Variants in COL22A1 observed in about 807,000 individuals in gnomAD.
COL22A1 encodes collagen type XXII alpha 1 chain, also known as collagen alpha-1(XXII) chain.
A neutral mutation model predicts 248.9 loss-of-function variants in COL22A1; 221 were observed. That is an observed-to-expected ratio of 0.89 (90% confidence interval 0.80 to 0.99). The LOEUF (loss-of-function observed/expected upper bound fraction) is 0.99. COL22A1 is among the 50% of genes least tolerant of loss of function. The pLI is 0.00. For synonymous variants in COL22A1, 891 were observed against 793.4 expected, an observed-to-expected ratio of 1.12 and a Z score of -2.07; for missense variants, 2,240 against 2,179.0, an observed-to-expected ratio of 1.03 and a Z score of -0.56.
chr8:138,809,853 C>T (rs1285093284), intron 9 of COL22A1, among the ~76,000 whole-genome samples: 1 of 152,086 alleles, frequency 6.6e-6, no homozygotes, highest in East Asian at 1.9e-4. Context: ...TGTCTTCATA[C>T]CCTGATTGAC....
chr8:138,812,346 G>A (rs1468468323), intron 8 of COL22A1, among the ~76,000 whole-genome samples: 2 of 152,218 alleles, frequency 1.3e-5, no homozygotes, highest in Non-Finnish European at 2.9e-5. Context: ...TCCTGGGGAT[G>A]AGGCTAACCA....
chr8:138,748,503 G>T (rs574721905), intron 22 of COL22A1, among the ~76,000 whole-genome samples: 1 of 152,342 alleles, frequency 6.6e-6, no homozygotes, highest in East Asian at 1.9e-4. Context: ...GCCACTGGTG[G>T]CTGTGCTGTA....
chr8:138,712,000 C>T (rs951224400), intron 30 of COL22A1, among the ~76,000 whole-genome samples: 4 of 152,196 alleles, frequency 2.6e-5, no homozygotes, highest in Non-Finnish European at 5.9e-5. Flanking sequence ...CCTCATCTAT[C>T]AAGTGGGGAT....
intron 50 of COL22A1, 81 bp downstream of exon 50, chr8:138,630,614 A>G: frequency 8.4e-7 from 1 of 1,193,256 alleles, no homozygotes; most frequent in Non-Finnish European, 1.3e-6. Flanking sequence ...ACACAGGACA[A>G]GAGCAGAATT....
intron 60 of COL22A1, among the ~76,000 whole-genome samples, chr8:138,599,103 G>A (rs1051385002): frequency 5.9e-5 from 9 of 152,200 alleles, no homozygotes; most frequent in Admixed American, 5.9e-4. Context: ...AAATATGGGG[G>A]AGGCTGAGGC....
chr8:138,853,340 C>G (rs1447521645), intron 3 of COL22A1, among the ~76,000 whole-genome samples: 1 of 152,204 alleles, frequency 6.6e-6, no homozygotes, highest in East Asian at 1.9e-4. Flanking sequence ...TCTTCTTCCC[C>G]TAACTCCTTG....
intron 1 of COL22A1, among the ~76,000 whole-genome samples, chr8:138,909,948 A>C (rs974147129): frequency 2.0e-5 from 3 of 152,246 alleles, no homozygotes; most frequent in Admixed American, 2.0e-4. Flanking sequence ...TCTGAGATAC[A>C]TCATTGCCAA....
chr8:138,829,374 C>T (rs1819844480), intron 5 of COL22A1, among the ~76,000 whole-genome samples: 1 of 147,442 alleles, frequency 6.8e-6, no homozygotes, highest in African/African-American at 2.5e-5. Context: ...TTCATTTTCT[C>T]CTTCTTTTCT....
chr8:138,861,041 C>T (rs1449747754), intron 3 of COL22A1, among the ~76,000 whole-genome samples: 1 of 152,172 alleles, frequency 6.6e-6, no homozygotes, highest in African/African-American at 2.4e-5. Flanking sequence ...TCAGCTCCTG[C>T]TGCCATCACC....
At chr8:138,909,272 G>A (rs1563914316) in intron 1 of COL22A1, among the ~76,000 whole-genome samples, 1 of 152,184 alleles carries the variant, frequency 6.6e-6, no homozygotes, top group East Asian at 1.9e-4. Flanking sequence ...TTACAGAGCA[G>A]ACCTCCAGAA....
intron 3 of COL22A1, among the ~76,000 whole-genome samples, chr8:138,857,429 C>T (rs1047715839): frequency 2.6e-5 from 4 of 152,220 alleles, no homozygotes; most frequent in African/African-American, 7.2e-5. Flanking sequence ...ACATTCACGG[C>T]TGACCTGGCC....
At chr8:138,633,568 T>A (rs1015252044) in intron 49 of COL22A1, among the ~76,000 whole-genome samples, 1 of 152,242 alleles carries the variant, frequency 6.6e-6, no homozygotes, top group African/African-American at 2.4e-5. Context: ...GAGCACAATG[T>A]CATTTAGGAA....
chr8:138,616,047 G>A lies in COL22A1; in HGVS notation c.3878C>T (p.Ser1293Phe). The A allele has an allele frequency of 6.2e-7, 1 of 1,613,212 alleles. No homozygotes were observed. Reference protein sequence around the residue: ...DSGAPGPRGESGAMGLPGQEG... With the variant: ...DSGAPGPRGEFGAMGLPGQEG... ...CTGACCAGGAAGCCCCATGGCACCA[G>A]ACTCTCCCTAGGAACAAAAAAGCCT... The change falls in exon 55 of 65, where the codon TCT (serine) becomes TTT (phenylalanine). Residue 1293 changes from serine (S) to phenylalanine (F), a missense_variant. Ser to Phe is a radical substitution (Grantham distance 155, BLOSUM62 -2). Coordinates refer to ENST00000303045, the MANE Select transcript of COL22A1 (RefSeq NM_152888.3).
chr8:138,703,919 C>T (rs1828180460), intron 30 of COL22A1, among the ~76,000 whole-genome samples: 1 of 152,170 alleles, frequency 6.6e-6, no homozygotes, highest in African/African-American at 2.4e-5. Flanking sequence ...TTGGGACACT[C>T]CCACCCTAAT....
intron 41 of COL22A1, among the ~76,000 whole-genome samples, chr8:138,666,517 T>C (rs73449687): frequency 4.3e-4 from 66 of 152,356 alleles, no homozygotes; most frequent in African/African-American, 1.5e-3. Flanking sequence ...GAATTCCAAC[T>C]CTGGTCTCTT....
chr8:138,769,347 G>A (rs1834170192), intron 16 of COL22A1, among the ~76,000 whole-genome samples: 1 of 152,182 alleles, frequency 6.6e-6, no homozygotes, highest in Admixed American at 6.5e-5. Context: ...GAAGTCTTCA[G>A]GCAGCTCCCA....
In COL22A1 at chr8:138,616,923, G is replaced by T; in HGVS notation, c.3861C>A (p.Pro1287=). ...TGAGGCGCCCACTTACCCGGGGACC[G>T]GGTGCACCAGAATCGCCTGTGTGTC... is the stretch of plus-strand genomic sequence containing the variant. The part of the protein sequence containing the change: ...FKGHTGDSGA[P]GPRGESGAMG... The change falls in exon 54 of 65, where the codon CCC becomes CCA. Residue 1287 remains proline (P), a synonymous_variant. Coordinates refer to ENST00000303045, the MANE Select transcript of COL22A1 (RefSeq NM_152888.3). The T allele has an allele frequency of 6.2e-7, 1 of 1,614,138 alleles. No individual in the cohort carries two copies. Among genetic ancestry groups the T allele is most frequent in the South Asian group, 1.1e-5 (1 of 91,074 alleles).
In COL22A1 at chr8:138,913,887, G is replaced by A. The variant is rs907909751; in HGVS notation, c.-341C>T. 2.6e-5 allele frequency: 4 copies of A among 152,342 alleles called. No homozygotes were observed. The highest frequency in any genetic ancestry group is 9.7e-5 in the African/African-American group (4 of 41,448). The allele number at this position is 152,342 out of a possible 1,614,324, so 9.4% of individuals were successfully genotyped here. A position where few individuals can be genotyped will look rare whatever the true frequency, so the allele number is the denominator to read the frequency against. On this transcript the variant is annotated 5_prime_UTR_variant, in exon 1 of 65. Transcript: ENST00000303045. ...CTAAATACATACAGTTAGAAGGAAA[G>A]GCTTGAAAGTTACAGAATGAGATAG...
intron 10 of COL22A1, among the ~76,000 whole-genome samples, chr8:138,807,243 G>A (rs369243982): frequency 3.4e-4 from 52 of 152,236 alleles, no homozygotes; most frequent in Middle Eastern, 3.4e-3. Context: ...TTTCAAACAC[G>A]GGATGATGGT....
Sources: allele counts gnomAD v4.1 joint callset (sites outside exome capture counted in the v4.1 genomes callset), GRCh38; gene constraint gnomAD v4.1.1; transcripts MANE v1.5; gene names NCBI Gene and HGNC (gene_info 2026-07-23, HGNC 2026-07-21).